Variants in NRXN2 observed in about 807,000 individuals in gnomAD.
The protein encoded by NRXN2 is neurexin 2.
In NRXN2, 29 loss-of-function variants were observed where a neutral mutation model predicts 128.8. The ratio of observed to expected loss-of-function variants is 0.23; its 90% confidence interval spans 0.17 to 0.31. The LOEUF (loss-of-function observed/expected upper bound fraction) is 0.31. Among genes scored for constraint, NRXN2 ranks in the 10% least tolerant of loss-of-function variants. NRXN2 has a pLI of 1.00. For synonymous variants in NRXN2, 1,098 were observed against 1,075.2 expected, an observed-to-expected ratio of 1.02 and a Z score of -0.41; for missense variants, 1,881 against 2,452.6, an observed-to-expected ratio of 0.77 and a Z score of 4.92.
intron 2 of NRXN2, among the ~76,000 whole-genome samples, chr11:64,709,681 C>G (rs1400952862): frequency 6.6e-6 from 1 of 152,106 alleles, no homozygotes; most frequent in African/African-American, 2.4e-5. Context: ...ATTAATATCT[C>G]TCCATTCATT....
chr11:64,633,246 T>C (rs148566324), intron 18 of NRXN2, among the ~76,000 whole-genome samples: 1 of 152,210 alleles, frequency 6.6e-6, no homozygotes, highest in East Asian at 1.9e-4. Context: ...TCCTCAGTAC[T>C]AGGGGAGCCC....
chr11:64,673,561 C>T (rs1462997270), intron 7 of NRXN2, among the ~76,000 whole-genome samples: 1 of 152,198 alleles, frequency 6.6e-6, no homozygotes, highest in East Asian at 1.9e-4. Flanking sequence ...CAAAAGGCAA[C>T]CAGGTCTGTT....
intron 1 of NRXN2, among the ~76,000 whole-genome samples, chr11:64,715,390 T>C (rs1471671758): frequency 6.6e-6 from 1 of 152,000 alleles, no homozygotes; most frequent in Non-Finnish European, 1.5e-5. Context: ...AAGCACAGGA[T>C]AGCCACAGGT....
At position 64,651,730 on chromosome 11, in the gene NRXN2, C is replaced by A; in HGVS notation, c.2537-94G>T. The A allele has an allele frequency of 7.3e-7, 1 of 1,375,530 alleles. No homozygotes were observed. The allele number at this position is 1,375,530 out of a possible 1,614,324, so 85.2% of individuals were successfully genotyped here. ...AGCCTCCCCTCCACAGGAGGGCCAC[C>A]CATGAGTGACATCTTTAGAGATGTC... On this transcript the variant is annotated intron_variant, in intron 13 of 22. Transcript: ENST00000265459. This position sits in a 1 kb window ranked among gnomAD's most constrained non-coding sequence, Gnocchi z 5.9.
intron 22 of NRXN2, among the ~76,000 whole-genome samples, chr11:64,610,094 C>T (rs1350081396): frequency 6.6e-6 from 1 of 152,130 alleles, no homozygotes; most frequent in Non-Finnish European, 1.5e-5. Context: ...CAGAGCTGTC[C>T]TTGGCCACGC....
chr11:64,642,695 ACAGCGGCAG>A, intron 17 of NRXN2: 2 of 1,534,366 alleles, frequency 1.3e-6, no homozygotes, highest in Non-Finnish European at 1.8e-6. Context: ...AACAGCGGCA[ACAGCGGCAG>A]CAGAGGTGGC....
intron 4 of NRXN2, 54 bp from the exon 5 acceptor site, chr11:64,690,530 C>T: frequency 2.7e-6 from 4 of 1,504,076 alleles, no homozygotes; most frequent in Non-Finnish European, 3.7e-6. Context: ...CCAGTCCCTC[C>T]CCAGCCTTGA....
At chr11:64,657,552 C>T (rs7939965) in intron 11 of NRXN2, among the ~76,000 whole-genome samples, 20,859 of 152,128 alleles carry the variant, frequency 0.14, 1,679 homozygotes, top group East Asian at 0.3. Context: ...GCCTCAAAAC[C>T]ACCACAGACG....
intron 9 of NRXN2, among the ~76,000 whole-genome samples, chr11:64,666,408 G>A (rs946157659): frequency 6.6e-6 from 1 of 151,688 alleles, no homozygotes; most frequent in South Asian, 2.1e-4. Flanking sequence ...CACCATGTTG[G>A]CCAGTCTGGT....
chr11:64,649,890 G>T (rs1177380861), intron 15 of NRXN2, among the ~76,000 whole-genome samples: 2 of 152,072 alleles, frequency 1.3e-5, no homozygotes, highest in African/African-American at 4.8e-5. Context: ...CACCCATTCT[G>T]GGGGCAGGCA....
At chr11:64,652,279 C>G in intron 12 of NRXN2, 125 bp from the exon 13 acceptor site, 1 of 1,274,918 alleles carries the variant, frequency 7.8e-7, no homozygotes, top group East Asian at 2.5e-5. Context: ...ACATACATGA[C>G]CAGTGGCTCA....
chr11:64,608,645 A>T, intron 22 of NRXN2, among the ~76,000 whole-genome samples: 1 of 152,188 alleles, frequency 6.6e-6, no homozygotes, highest in African/African-American at 2.4e-5. Context: ...CCGGAAAAAA[A>T]ATAAGAAAAA....
chr11:64,689,587 C>T (rs1347956303), intron 5 of NRXN2, among the ~76,000 whole-genome samples: 1 of 152,146 alleles, frequency 6.6e-6, no homozygotes. Context: ...TCCCTGGCCT[C>T]AAGGAGCTTG....
At chr11:64,696,339 T>A (rs1049044830) in intron 3 of NRXN2, among the ~76,000 whole-genome samples, 1 of 151,518 alleles carries the variant, frequency 6.6e-6, no homozygotes, top group African/African-American at 2.4e-5. Context: ...ATGCTCTACA[T>A]AGGCATACAG....
chr11:64,664,370 T>C (rs1337256358), intron 9 of NRXN2, among the ~76,000 whole-genome samples: 1 of 150,994 alleles, frequency 6.6e-6, no homozygotes, highest in Non-Finnish European at 1.5e-5. Flanking sequence ...TCCCAGAACT[T>C]GGAAGGCTGA....
At chr11:64,615,109 T>C (rs1161016421) in intron 22 of NRXN2, among the ~76,000 whole-genome samples, 1 of 152,236 alleles carries the variant, frequency 6.6e-6, no homozygotes, top group Non-Finnish European at 1.5e-5. Flanking sequence ...GCCCCATGAC[T>C]GAGCTCCAGG....
Position 64,611,130 on chromosome 11 carries a change from G to T in NRXN2, c.4253-3048C>A, listed in dbSNP as rs2040569549. ...AGCAGTGGGCCTGGCACAGAATTGG[G>T]GCTCGTTATGCTTTTCCAGGGGAAG... On this transcript the variant is annotated intron_variant, in intron 22 of 22. Coordinates refer to ENST00000265459, the MANE Select transcript of NRXN2 (RefSeq NM_015080.4). Among the ~76,000 whole-genome samples the T allele has an allele frequency of 3.9e-5, 6 of 152,316 alleles. No homozygotes were observed. The South Asian group carries it at 1.2e-3, about 32-fold the overall frequency.
Position 64,622,704 on chromosome 11 carries a change from C to G in NRXN2, c.4173+49G>C. On this transcript the variant is annotated intron_variant, in intron 21 of 22. Coordinates refer to ENST00000265459, the MANE Select transcript of NRXN2 (RefSeq NM_015080.4). This position sits in a 1 kb window ranked among gnomAD's most constrained non-coding sequence, Gnocchi z 4.3. ...ACTGTGGCTATGCAGATATCAACCC[C>G]ATCCCCACCTATCCCTGCCCTAATC... 1 of 1,578,966 alleles carries G rather than the reference C, an allele frequency of 6.3e-7. No homozygotes were observed. Among genetic ancestry groups the G allele is most frequent in the Non-Finnish European group, 8.6e-7 (1 of 1,163,896 alleles).
intron 5 of NRXN2, chr11:64,688,513 G>C (rs2053392161): frequency 3.0e-6 from 3 of 985,296 alleles, no homozygotes; most frequent in Non-Finnish European, 3.6e-6. Context: ...TGTAGGGGCG[G>C]CGGAGGGGCT....
Sources: allele counts gnomAD v4.1 joint callset (sites outside exome capture counted in the v4.1 genomes callset), GRCh38; gene constraint gnomAD v4.1.1; non-coding constraint Gnocchi (gnomAD v3.1); transcripts MANE v1.5; gene names NCBI Gene and HGNC (gene_info 2026-07-23, HGNC 2026-07-21).